The following DOCK2 variants were observed in gnomAD, a reference collection of about 807,000 sequenced individuals.
DOCK2 encodes the protein dedicator of cytokinesis 2, also known as dedicator of cytokinesis protein 2.
A neutral mutation model predicts 248.9 loss-of-function variants in DOCK2; 87 were observed. That is an observed-to-expected ratio of 0.35 (90% confidence interval 0.29 to 0.42). DOCK2 has a LOEUF of 0.42. DOCK2 is among the 10% of genes least tolerant of loss of function. The pLI, the probability that DOCK2 is intolerant of heterozygous loss-of-function variation, is 1.00. For synonymous variants in DOCK2, 805 were observed against 821.6 expected (o/e 0.98, Z 0.35); for missense variants, 1,747 against 2,300.2 (o/e 0.76, Z 4.92).
chr5:169,683,608 T>A (rs571474256), intron 7 of DOCK2, among the ~76,000 whole-genome samples: 1 of 152,342 alleles, frequency 6.6e-6, no homozygotes, highest in East Asian at 1.9e-4. Context: ...TCAGACTTTT[T>A]AACTTAGCCA....
intron 27 of DOCK2, among the ~76,000 whole-genome samples, chr5:169,942,034 G>A (rs1156762764): frequency 1.3e-5 from 2 of 152,184 alleles, no homozygotes; most frequent in Non-Finnish European, 2.9e-5. Context: ...CACTGCTGTC[G>A]TTAGCCTGAA....
chr5:170,008,877 C>G, intron 32 of DOCK2, 131 bp downstream of exon 32: 2 of 1,100,980 alleles, frequency 1.8e-6, no homozygotes, highest in African/African-American at 1.5e-5. Flanking sequence ...TGTGTGTACC[C>G]CAGTTCCTAA....
intron 13 of DOCK2, among the ~76,000 whole-genome samples, chr5:169,701,049 A>T (rs923886326): frequency 6.6e-6 from 1 of 152,228 alleles, no homozygotes; most frequent in Non-Finnish European, 1.5e-5. Context: ...TGATGTTAAC[A>T]ATCAGTCACT....
intron 42 of DOCK2, 52 bp downstream of exon 42, chr5:170,055,438 G>T (rs138260184): frequency 1.3e-6 from 2 of 1,552,810 alleles, no homozygotes; most frequent in Non-Finnish European, 1.8e-6. Context: ...ACCCATTGGG[G>T]CCACCAAACT....
Position 169,702,401 on chromosome 5 carries a change from T to C in DOCK2, c.1357T>C (p.Cys453Arg). Residue 453 changes from cysteine (C) to arginine (R), a missense_variant, in exon 14 of 52, where the codon TGC becomes CGC. By Grantham distance (180) the Cys-to-Arg change is radical. Around this residue, in one of 4 missense-constraint regions of DOCK2, gnomAD observed 858 missense variants for 1,183.5 expected, o/e 0.72. Coordinates refer to ENST00000520908, the MANE Select transcript of DOCK2 (RefSeq NM_004946.3). ...QRNVEVIMCV[C>R]AEDGKTLPNA... ...GAATGTGGAAGTCATCATGTGTGTG[T>C]GCGCGGAGGATGGCAAAACGCTGCC... 6.2e-7 allele frequency: 1 copy of C among 1,613,904 alleles called. No homozygotes were observed.
intron 6 of DOCK2, among the ~76,000 whole-genome samples, chr5:169,678,150 A>G (rs1759440205): frequency 6.6e-6 from 1 of 152,144 alleles, no homozygotes; most frequent in Non-Finnish European, 1.5e-5. Flanking sequence ...AAGAGAGTAT[A>G]TGTTAGAAGA....
At chr5:169,728,996 T>C (rs756006228) in intron 22 of DOCK2, among the ~76,000 whole-genome samples, 5 of 152,202 alleles carry the variant, frequency 3.3e-5, no homozygotes, top group Non-Finnish European at 4.4e-5. Flanking sequence ...TAACTCATTA[T>C]TGGAAATCTG....
At chr5:170,071,558 G>GTCTA (rs1757683130) in intron 46 of DOCK2, among the ~76,000 whole-genome samples, 1 of 152,038 alleles carries the variant, frequency 6.6e-6, no homozygotes, top group African/African-American at 2.4e-5. Context: ...GATGTCTATA[G>GTCTA]TATGCTCTTC....
intron 23 of DOCK2, among the ~76,000 whole-genome samples, chr5:169,751,575 A>C (rs1016249195): frequency 2.6e-5 from 4 of 152,252 alleles, no homozygotes; most frequent in Admixed American, 1.3e-4. Flanking sequence ...TTTAATTGTG[A>C]GTAGAGCAGA....
chr5:169,920,426 G>A (rs1281894943), intron 27 of DOCK2, among the ~76,000 whole-genome samples: 1 of 152,170 alleles, frequency 6.6e-6, no homozygotes, highest in African/African-American at 2.4e-5. Context: ...CAGAAAGTAG[G>A]TGGATTTGGC....
At chr5:169,971,432 T>C (rs1777505198) in intron 27 of DOCK2, among the ~76,000 whole-genome samples, 1 of 94,620 alleles carries the variant, frequency 1.1e-5, no homozygotes, top group African/African-American at 3.0e-5. Flanking sequence ...TAGAGCCTTT[T>C]TTTTTTTTTT....
intron 25 of DOCK2, among the ~76,000 whole-genome samples, chr5:169,767,417 G>C (rs189803023): frequency 1.6e-4 from 24 of 152,222 alleles, no homozygotes; most frequent in Admixed American, 3.3e-4. Flanking sequence ...TTTTATTCTA[G>C]TGGTTATTAC....
chr5:169,931,463 G>T (rs1775750076), intron 27 of DOCK2, among the ~76,000 whole-genome samples: 1 of 152,198 alleles, frequency 6.6e-6, no homozygotes, highest in South Asian at 2.1e-4. Flanking sequence ...CTATCCAAGT[G>T]CACTAAGTTC....
chr5:169,665,819 T>G (rs974312233), intron 2 of DOCK2, among the ~76,000 whole-genome samples: 2 of 152,128 alleles, frequency 1.3e-5, no homozygotes, highest in Non-Finnish European at 2.9e-5. Context: ...CTCTAGACCT[T>G]GGATTCTTTT....
intron 29 of DOCK2, among the ~76,000 whole-genome samples, chr5:169,990,995 C>G (rs1245285498): frequency 1.3e-5 from 2 of 152,262 alleles, no homozygotes; most frequent in African/African-American, 4.8e-5. Context: ...TGCCCAGGCA[C>G]TGGGCCCCTG....
chr5:169,807,383 G>T (rs1408327165), intron 26 of DOCK2, among the ~76,000 whole-genome samples: 1 of 152,182 alleles, frequency 6.6e-6, no homozygotes, highest in African/African-American at 2.4e-5. Flanking sequence ...AGGTGCTGTT[G>T]ATGCTACCAA....
At chr5:169,972,020 C>T (rs1777524861) in intron 27 of DOCK2, among the ~76,000 whole-genome samples, 1 of 152,266 alleles carries the variant, frequency 6.6e-6, no homozygotes, top group Admixed American at 6.5e-5. Flanking sequence ...TCCTGCTGAG[C>T]TAGGACTTGG....
At chr5:169,786,689 A>G (rs1220566480) in intron 25 of DOCK2, among the ~76,000 whole-genome samples, 1 of 152,188 alleles carries the variant, frequency 6.6e-6, no homozygotes, top group Non-Finnish European at 1.5e-5. Flanking sequence ...GTACTTGACT[A>G]CAAGTTCCAG....
intron 17 of DOCK2, 136 bp downstream of exon 17, chr5:169,712,359 T>G (rs1292672890): frequency 2.9e-6 from 2 of 682,464 alleles, no homozygotes; most frequent in Non-Finnish European, 5.0e-6. Flanking sequence ...TGGCCTCTTA[T>G]AAACTCTTGA....
Sources: gnomAD v4.1 joint callset for allele counts (sites outside exome capture counted in the v4.1 genomes callset) on GRCh38, gnomAD v4.1.1 for gene constraint, gnomAD v4.1.1 regional missense constraint, MANE v1.5 for transcripts, NCBI Gene and HGNC (gene_info 2026-07-23, HGNC 2026-07-21) for gene names.